The following PRPSAP2 variants were observed in gnomAD, a reference collection of about 807,000 sequenced individuals.
PRPSAP2 encodes the protein phosphoribosyl pyrophosphate synthetase associated protein 2.
Under a neutral mutation model 40.6 loss-of-function variants are expected in PRPSAP2, and 24 were observed. That is an observed-to-expected ratio of 0.59 (90% CI 0.43 to 0.83). The LOEUF is 0.83. Ranked by LOEUF, PRPSAP2 falls within the 40% of genes least tolerant of loss-of-function variation. The pLI, the probability that PRPSAP2 is intolerant of heterozygous loss-of-function variation, is 0.00. For missense variants in PRPSAP2, 292 were observed against 465.6 expected (o/e 0.63, Z 3.43); for synonymous variants, 149 against 164.7 (o/e 0.90, Z 0.73).
intron 5 of PRPSAP2, among the ~76,000 whole-genome samples, chr17:18,875,417 T>G (rs1010089076): frequency 6.6e-6 from 1 of 151,052 alleles, no homozygotes; most frequent in African/African-American, 2.4e-5. Flanking sequence ...TACAAAAAAT[T>G]AGCTGGGCAT....
chr17:18,925,394 G>T (rs1174195453), intron 10 of PRPSAP2, among the ~76,000 whole-genome samples: 1 of 152,186 alleles, frequency 6.6e-6, no homozygotes, highest in African/African-American at 2.4e-5. Flanking sequence ...AGCCATGAGG[G>T]CTTGTGGCCT....
intron 6 of PRPSAP2, among the ~76,000 whole-genome samples, chr17:18,880,030 A>C (rs370924805): frequency 5.3e-5 from 8 of 152,216 alleles, no homozygotes; most frequent in African/African-American, 1.7e-4. Flanking sequence ...CGGGAGGTGG[A>C]GGTTGTGGTG....
intron 5 of PRPSAP2, among the ~76,000 whole-genome samples, chr17:18,874,866 G>A (rs2038163359): frequency 6.6e-6 from 1 of 152,156 alleles, no homozygotes; most frequent in African/African-American, 2.4e-5. Flanking sequence ...TGGCTCCTTG[G>A]TTTCTGTGTC....
chr17:18,875,278 T>C (rs898388428), intron 5 of PRPSAP2, among the ~76,000 whole-genome samples: 1 of 152,120 alleles, frequency 6.6e-6, no homozygotes. Context: ...CATTTAGTGT[T>C]GAGGGCCAGA....
rs1567742713 is a variant in PRPSAP2, at chr17:18,916,673, C to T, written c.733+5422C>T. On this transcript the variant is annotated intron_variant, in intron 9 of 11. Coordinates refer to ENST00000268835, the MANE Select transcript of PRPSAP2 (RefSeq NM_002767.4). Reference sequence around the variant, plus strand: ...CTGGAATTACAGGCATGAGCCACTGCACCCGGCCAGACTGGGTAATTTATA... The same window carrying T: ...CTGGAATTACAGGCATGAGCCACTGTACCCGGCCAGACTGGGTAATTTATA... Among the ~76,000 whole-genome samples, 4 of 152,320 alleles carry T rather than the reference C, an allele frequency of 2.6e-5. No homozygotes were observed. In the East Asian group the frequency reaches 7.7e-4, roughly 29 times the overall value.
chr17:18,900,964 T>C (rs2040233937), intron 8 of PRPSAP2, among the ~76,000 whole-genome samples: 1 of 152,042 alleles, frequency 6.6e-6, no homozygotes, highest in African/African-American at 2.4e-5. Flanking sequence ...TGAGTGAGGG[T>C]GAAAGTCCCA....
chr17:18,872,877 C>T (rs1195859333), intron 5 of PRPSAP2, among the ~76,000 whole-genome samples: 2 of 151,846 alleles, frequency 1.3e-5, no homozygotes, highest in East Asian at 3.9e-4. Flanking sequence ...AAGTCCCACT[C>T]CTTCACCCAG....
intron 5 of PRPSAP2, among the ~76,000 whole-genome samples, chr17:18,873,754 A>G (rs2038072386): frequency 1.3e-5 from 2 of 152,188 alleles, no homozygotes; most frequent in South Asian, 2.1e-4. Context: ...AGGAATGTGT[A>G]TTCCTGTCTG....
chr17:18,900,642 G>T (rs772340302), intron 8 of PRPSAP2, among the ~76,000 whole-genome samples: 17 of 152,114 alleles, frequency 1.1e-4, no homozygotes, highest in Non-Finnish European at 2.1e-4. Flanking sequence ...CAGGACTCTG[G>T]CAGGGAAAGT....
intron 1 of PRPSAP2, among the ~76,000 whole-genome samples, chr17:18,860,136 T>C (rs1390816049): frequency 6.6e-6 from 1 of 152,158 alleles, no homozygotes; most frequent in African/African-American, 2.4e-5. Flanking sequence ...CTCAGCTCAC[T>C]GCAACCTCTG....
intron 10 of PRPSAP2, among the ~76,000 whole-genome samples, chr17:18,924,197 G>A (rs528405127): frequency 2.6e-5 from 4 of 152,180 alleles, no homozygotes; most frequent in Admixed American, 1.3e-4. Context: ...CTGCTACCAC[G>A]CCTGGCTAAT....
At chr17:18,910,716 T>G (rs1456929183) in intron 8 of PRPSAP2, among the ~76,000 whole-genome samples, 1 of 152,254 alleles carries the variant, frequency 6.6e-6, no homozygotes, top group Non-Finnish European at 1.5e-5. Context: ...AAATTTGTGC[T>G]TAATACTTTG....
chr17:18,877,767 C>T lies in PRPSAP2; in HGVS notation c.309C>T (p.Ser103=). The stretch of plus-strand genomic sequence containing the variant: ...CATGTAAGACCTCTTGTGCCAAGAG[C>T]ATCATTGGCGTGATACCCTACTTTC... The part of the protein sequence containing the change: ...VYACKTSCAK[S]IIGVIPYFPY... The change falls in exon 6 of 12, where the codon AGC becomes AGT. Residue 103 remains serine (S), a synonymous_variant. Transcript: ENST00000268835. 6.2e-7 allele frequency: 1 copy of T among 1,613,560 alleles called. No individual in the cohort carries two copies. Among genetic ancestry groups the T allele is most frequent in the South Asian group, 1.1e-5 (1 of 91,062 alleles).
At chr17:18,862,173 C>T (rs1282587092) in intron 1 of PRPSAP2, among the ~76,000 whole-genome samples, 1 of 152,204 alleles carries the variant, frequency 6.6e-6, no homozygotes, top group Non-Finnish European at 1.5e-5. Flanking sequence ...TAGGCATGAG[C>T]CACGGCGCCT....
intron 4 of PRPSAP2, among the ~76,000 whole-genome samples, chr17:18,872,272 C>T (rs1401257179): frequency 1.3e-5 from 1 of 77,460 alleles, no homozygotes; most frequent in East Asian, 3.6e-4. Flanking sequence ...GACTCCGTCT[C>T]AAAAAAAAAA....
intron 4 of PRPSAP2, among the ~76,000 whole-genome samples, chr17:18,871,246 C>T (rs930539424): frequency 2.0e-5 from 3 of 151,754 alleles, no homozygotes; most frequent in Non-Finnish European, 4.4e-5. Flanking sequence ...CCTTAAACAC[C>T]TAACCTCAGA....
At chr17:18,883,441 C>T (rs1305831407) in intron 7 of PRPSAP2, among the ~76,000 whole-genome samples, 2 of 144,970 alleles carry the variant, frequency 1.4e-5, no homozygotes, top group Admixed American at 7.1e-5. Flanking sequence ...GATGGAGTCA[C>T]TCCCAGGCTG....
In PRPSAP2 at chr17:18,911,742, A is replaced by G. The variant is rs2040971290; in HGVS notation, c.733+491A>G. Among the ~76,000 whole-genome samples the G allele has an allele frequency of 6.6e-6, 1 of 152,262 alleles. No homozygotes were observed. Among genetic ancestry groups the G allele is most frequent in the Non-Finnish European group, 1.5e-5 (1 of 68,046 alleles). ...AACGAGAAAAATATATGGAATATATATGAACAAGGCAGAATATAAGATTGT... is the reference window on the plus strand; with the variant it reads ...AACGAGAAAAATATATGGAATATATGTGAACAAGGCAGAATATAAGATTGT... On this transcript the variant is annotated intron_variant, in intron 9 of 11. Transcript: ENST00000268835. The surrounding 1 kb of genome is among the most constrained non-coding windows in gnomAD (Gnocchi z 4.5).
At chr17:18,867,504 C>T (rs1467627822) in intron 4 of PRPSAP2, among the ~76,000 whole-genome samples, 170 bp downstream of exon 4, 1 of 152,142 alleles carries the variant, frequency 6.6e-6, no homozygotes, top group Non-Finnish European at 1.5e-5. Flanking sequence ...TCACTAATAC[C>T]AGCTAGATAT....
Sources: allele counts gnomAD v4.1 joint callset (sites outside exome capture counted in the v4.1 genomes callset), GRCh38; gene constraint gnomAD v4.1.1; non-coding constraint Gnocchi (gnomAD v3.1); transcripts MANE v1.5; gene names NCBI Gene and HGNC (gene_info 2026-07-23, HGNC 2026-07-21).